The following FAM153A variants were observed in gnomAD, a reference collection of about 807,000 sequenced individuals.
The protein encoded by FAM153A is protein FAM153A.
Under a neutral mutation model 48.1 loss-of-function variants are expected in FAM153A, and 12 were observed. The observed-to-expected ratio is 0.25, with a 90% CI of 0.16 to 0.40. The LOEUF (loss-of-function observed/expected upper bound fraction) is 0.40, where lower values mean the gene tolerates loss of function less well. FAM153A is among the 10% of genes least tolerant of loss of function. FAM153A has a pLI of 1.00. For synonymous variants in FAM153A, 36 were observed against 118.2 expected (o/e 0.30, Z 4.51); for missense variants, 111 against 345.8 (o/e 0.32, Z 5.38).
At chr5:177,755,190 A>C (rs1297499827), upstream of FAM153A, among the ~76,000 whole-genome samples, 1 of 152,008 alleles carries the variant, frequency 6.6e-6, no homozygotes, top group African/African-American at 2.4e-5. Context: ...TGACAAATGC[A>C]CAAGCCTCAG....
At chr5:177,743,036 GT>G in intron 6 of FAM153A, among the ~76,000 whole-genome samples, 2 of 114,360 alleles carry the variant, frequency 1.7e-5, no homozygotes, top group East Asian at 3.2e-4. Context: ...CAGCCTGATT[GT>G]TTTACAACGT....
chr5:177,729,548 C>T (rs763963238), exon 17 of FAM153A: 3 of 1,609,108 alleles, frequency 1.9e-6, no homozygotes, highest in South Asian at 1.1e-5. Context: ...CCAGGTCTTC[C>T]AGGTCACCTA....
At chr5:177,758,631 T>C (rs1300053766) in intron 1 of FAM153A, among the ~76,000 whole-genome samples, 1 of 148,430 alleles carries the variant, frequency 6.7e-6, no homozygotes, top group Non-Finnish European at 1.5e-5. Context: ...AACAGAGATA[T>C]AGACCAATGG....
At chr5:177,764,262 C>G (rs1768544234) in intron 1 of FAM153A, among the ~76,000 whole-genome samples, 1 of 150,838 alleles carries the variant, frequency 6.6e-6, no homozygotes, top group Non-Finnish European at 1.5e-5. Flanking sequence ...TGCCTATGAA[C>G]AGCTGGCTGG....
intron 1 of FAM153A, among the ~76,000 whole-genome samples, chr5:177,759,532 C>G (rs1474193436): frequency 2.6e-5 from 4 of 151,738 alleles, no homozygotes; most frequent in Admixed American, 2.6e-4. Context: ...TATTGTGGCA[C>G]TATTCACAAT....
chr5:177,717,136 A>C (rs1311912722), intron 24 of FAM153A: 1 of 145,726 alleles, frequency 6.9e-6, no homozygotes, highest in Non-Finnish European at 1.5e-5. Context: ...GAATTTAAGA[A>C]CAAAGGAATT....
downstream of FAM153A, among the ~76,000 whole-genome samples, chr5:177,705,460 C>T (rs1757793219): frequency 6.6e-6 from 1 of 150,972 alleles, no homozygotes; most frequent in Admixed American, 6.6e-5. Flanking sequence ...GTACAGACTG[C>T]AGAACCATGA....
intron 4 of FAM153A, among the ~76,000 whole-genome samples, chr5:177,746,672 T>A (rs1052904435): frequency 1.3e-5 from 2 of 150,166 alleles, no homozygotes; most frequent in African/African-American, 5.0e-5. Context: ...GTGTGTGTCA[T>A]GGGGCCCGCT....
Position 177,761,654 on chromosome 5 carries a change from G to A in FAM153A, c.-56-12955C>T, listed in dbSNP as rs181941335. On this transcript the variant is annotated intron_variant, in intron 1 of 8. Coordinates refer to the FAM153A transcript ENST00000393518. ...AACATTAACCTTGAGAGTTTGTGGC[G>A]CGTTCTTTGTGAGTGGGCCAGCTCC... Among the ~76,000 whole-genome samples, 7 of 98,682 alleles carry A rather than the reference G, an allele frequency of 7.1e-5. 2 individuals carry two copies. Among genetic ancestry groups the A allele is most frequent in the Admixed American group, 3.1e-4 (3 of 9,698 alleles). 64.7% of individuals were successfully genotyped at this position (98,682 alleles called of 152,430 possible). A position where few individuals can be genotyped will look rare whatever the true frequency, so the allele number is the denominator to read the frequency against.
At chr5:177,706,400 C>G (rs542524641), downstream of FAM153A, among the ~76,000 whole-genome samples, 5 of 151,546 alleles carry the variant, frequency 3.3e-5, no homozygotes, top group Admixed American at 3.3e-4. Flanking sequence ...AGGGTTTCAC[C>G]GTGTTAGCCA....
chr5:177,708,286 T>TG, downstream of FAM153A, among the ~76,000 whole-genome samples: 1 of 47,606 alleles, frequency 2.1e-5, no homozygotes. Context: ...AGGTGCTCTC[T>TG]TTTTCATGGG....
At chr5:177,748,917 C>A (rs1392900841) in intron 2 of FAM153A, among the ~76,000 whole-genome samples, 2 of 142,642 alleles carry the variant, frequency 1.4e-5, no homozygotes, top group East Asian at 4.0e-4. Flanking sequence ...GCTAAGCCCC[C>A]ACACCACTGC....
the FAM153A span, among the ~76,000 whole-genome samples, chr5:177,698,481 C>T: frequency 2.6e-5 from 4 of 151,816 alleles, no homozygotes; most frequent in East Asian, 1.9e-4. Context: ...CAGTGATGGC[C>T]TTTACTGGAG....
At chr5:177,753,561 T>C (rs1264810718), upstream of FAM153A, among the ~76,000 whole-genome samples, 6 of 150,756 alleles carry the variant, frequency 4.0e-5, no homozygotes, top group Non-Finnish European at 5.9e-5. Flanking sequence ...AGCTAATACA[T>C]TGAGAATAAA....
chr5:177,698,520 A>G, the FAM153A span, among the ~76,000 whole-genome samples: 1 of 151,830 alleles, frequency 6.6e-6, no homozygotes, highest in Non-Finnish European at 1.5e-5. Context: ...ATTGCCCTCT[A>G]AAAGAGTTTT....
intron 6 of FAM153A, among the ~76,000 whole-genome samples, chr5:177,743,562 C>T (rs1765658861): frequency 8.0e-6 from 1 of 124,794 alleles, no homozygotes; most frequent in Non-Finnish European, 1.7e-5. Flanking sequence ...GGTGATTTCA[C>T]CCCAACCCCA....
the FAM153A span, among the ~76,000 whole-genome samples, chr5:177,702,069 G>A: frequency 3.3e-5 from 5 of 151,684 alleles, no homozygotes; most frequent in South Asian, 2.1e-4. Flanking sequence ...CATCACGCCC[G>A]GCTAATTTTT....
chr5:177,709,261 T>C (rs1359149269), downstream of FAM153A, among the ~76,000 whole-genome samples: 1 of 78,918 alleles, frequency 1.3e-5, no homozygotes, highest in South Asian at 5.4e-4. Flanking sequence ...AGGAATCTTT[T>C]TTTTTTTTTT....
At chr5:177,753,296 T>A (rs1474117192), upstream of FAM153A, 1 of 1,121,458 alleles carries the variant, frequency 8.9e-7, no homozygotes, top group Non-Finnish European at 1.3e-6. Flanking sequence ...ACCTATATCA[T>A]CAGATCACCT....
Sources: allele counts gnomAD v4.1 joint callset (sites outside exome capture counted in the v4.1 genomes callset), GRCh38; gene constraint gnomAD v4.1.1; transcripts MANE v1.5; gene names NCBI Gene and HGNC (gene_info 2026-07-23, HGNC 2026-07-21).